CREB5: variants seen among roughly 807,000 people sequenced by gnomAD.
The protein encoded by CREB5 is cAMP responsive element binding protein 5.
Under a neutral mutation model 57.1 loss-of-function variants are expected in CREB5, and 19 were observed. That is an observed-to-expected ratio of 0.33 (90% confidence interval 0.23 to 0.49). The LOEUF is 0.49. CREB5 is among the 20% of genes least tolerant of loss of function. The pLI is 0.99. For synonymous variants in CREB5, 238 were observed against 238.3 expected, an observed-to-expected ratio of 1.00 and a Z score of 0.01; for missense variants, 579 against 671.6, an observed-to-expected ratio of 0.86 and a Z score of 1.52.
rs768313770 is a variant in CREB5 at position 28,724,379 on chromosome 7, T to C, written c.702+47T>C. 6.6e-6 allele frequency: 10 copies of C among 1,524,538 alleles called. No individual in the cohort carries two copies. The East Asian group carries it at 2.0e-4, about 31-fold the overall frequency. 94.4% of individuals were successfully genotyped at this position (1,524,538 alleles called of 1,614,324 possible). On this transcript the variant is annotated intron_variant, in intron 7 of 10. Coordinates refer to ENST00000357727, the MANE Select transcript of CREB5 (RefSeq NM_182898.4). ...CCTTTCATTATTCTGTGACTTTTTC[T>C]TTTGAATTTTACTCTGACTCCAAAA...
intron 1 of CREB5, among the ~76,000 whole-genome samples, chr7:28,327,784 CT>C (rs1396239607): frequency 2.6e-5 from 4 of 152,176 alleles, no homozygotes; most frequent in East Asian, 1.9e-4. Flanking sequence ...GTACCTCCCC[CT>C]GAGAGAGAAA....
chr7:28,409,817 C>A (rs1315611023), upstream of CREB5: 1 of 449,780 alleles, frequency 2.2e-6, no homozygotes, highest in East Asian at 7.2e-5. The surrounding 1 kb of genome is among the most constrained non-coding windows in gnomAD (Gnocchi z 4.4). Flanking sequence ...GTCCGCCCGG[C>A]GTGCGTGCGT....
chr7:28,397,864 G>C (rs1787371162), intron 1 of CREB5, among the ~76,000 whole-genome samples: 1 of 152,120 alleles, frequency 6.6e-6, no homozygotes, highest in Non-Finnish European at 1.5e-5. Flanking sequence ...TAGAGAGGGA[G>C]GTGTATTAAC....
At chr7:28,394,800 T>C (rs564569513) in intron 1 of CREB5, among the ~76,000 whole-genome samples, 31 of 152,336 alleles carry the variant, frequency 2.0e-4, no homozygotes, top group African/African-American at 7.0e-4. Context: ...AAGTTTGTCA[T>C]GAAGAGAAGC....
At chr7:28,524,146 A>T (rs2128617870) in intron 4 of CREB5, among the ~76,000 whole-genome samples, 1 of 152,292 alleles carries the variant, frequency 6.6e-6, no homozygotes, top group Admixed American at 6.5e-5. Flanking sequence ...CTGAAGTAAG[A>T]TGTCTCTTAG....
At position 28,821,129 on chromosome 7, in the gene CREB5, T is replaced by TGTGC. The variant is rs1158005755; in HGVS notation, c.*1853_*1854insCGTG. The stretch of plus-strand genomic sequence containing the variant: ...CATTTGAATGCTTGACCTCTTAATG[T>TGTGC]GTGTGTGTGTGTGTGTGTGTGTGTG... On this transcript the variant is annotated 3_prime_UTR_variant, in exon 11 of 11. Transcript: ENST00000357727. 2.1e-5 allele frequency: 3 copies of TGTGC among 145,958 alleles called. No individual in the cohort carries two copies. Among genetic ancestry groups the TGTGC allele is most frequent in the Admixed American group, 1.4e-4 (2 of 14,768 alleles). The allele number at this position is 145,958 out of a possible 1,614,324, so 9.0% of individuals were successfully genotyped here.
At chr7:28,500,866 T>C (rs1383342702) in intron 3 of CREB5, among the ~76,000 whole-genome samples, 1 of 152,128 alleles carries the variant, frequency 6.6e-6, no homozygotes, top group Non-Finnish European at 1.5e-5. Flanking sequence ...CCTCTTCTTC[T>C]TGGCAATTCC....
chr7:28,609,522 T>C (rs1797304743), intron 5 of CREB5, among the ~76,000 whole-genome samples: 1 of 152,244 alleles, frequency 6.6e-6, no homozygotes. Flanking sequence ...AACAATCCTC[T>C]TGCATGTATT....
intron 5 of CREB5, among the ~76,000 whole-genome samples, chr7:28,612,703 A>C (rs998003672): frequency 6.6e-6 from 1 of 152,102 alleles, no homozygotes; most frequent in Non-Finnish European, 1.5e-5. Context: ...TATAGCTTTT[A>C]AAAGGAAACA....
At chr7:28,359,405 T>C (rs1360174813) in intron 1 of CREB5, among the ~76,000 whole-genome samples, 1 of 152,222 alleles carries the variant, frequency 6.6e-6, no homozygotes, top group Non-Finnish European at 1.5e-5. Context: ...TGAAAGTACT[T>C]TGTAAATCCG....
intron 1 of CREB5, among the ~76,000 whole-genome samples, chr7:28,303,398 C>T (rs1157823727): frequency 2.6e-5 from 4 of 151,960 alleles, no homozygotes; most frequent in Non-Finnish European, 5.9e-5. Context: ...AAGATAAAAG[C>T]AATAAAACAT....
chr7:28,322,622 G>T (rs1785513466), intron 1 of CREB5, among the ~76,000 whole-genome samples: 1 of 151,126 alleles, frequency 6.6e-6, no homozygotes, highest in Non-Finnish European at 1.5e-5. Flanking sequence ...ACAGGCTCTG[G>T]TGTATGATGT....
At chr7:28,584,796 T>TATCA (rs1387893311) in intron 5 of CREB5, among the ~76,000 whole-genome samples, 1 of 150,392 alleles carries the variant, frequency 6.6e-6, no homozygotes, top group Non-Finnish European at 1.5e-5. Context: ...AAAAAAAAAC[T>TATCA]ATCACTCCAT....
At chr7:28,763,950 CCA>C (rs1805810722) in intron 7 of CREB5, among the ~76,000 whole-genome samples, 1 of 151,930 alleles carries the variant, frequency 6.6e-6, no homozygotes, top group African/African-American at 2.4e-5. Context: ...CAGGTGTGCA[CCA>C]CCATGCCCAG....
intron 1 of CREB5, among the ~76,000 whole-genome samples, chr7:28,391,619 C>T (rs1787217797): frequency 6.6e-6 from 1 of 152,156 alleles, no homozygotes; most frequent in Non-Finnish European, 1.5e-5. Context: ...CACTTGGCAT[C>T]CCTCAGTGTG....
chr7:28,450,085 C>CAA (rs767247678), intron 1 of CREB5, among the ~76,000 whole-genome samples: 30 of 152,196 alleles, frequency 2.0e-4, no homozygotes, highest in Non-Finnish European at 8.8e-5. Flanking sequence ...TGTTATTTTG[C>CAA]AAAATCGATG....
chr7:28,425,264 G>A (rs1034644537), intron 1 of CREB5, among the ~76,000 whole-genome samples: 2 of 151,444 alleles, frequency 1.3e-5, no homozygotes, highest in African/African-American at 4.9e-5. Context: ...TTACTTGGTT[G>A]TAAAAAAAAA....
chr7:28,767,640 C>T (rs1806078002), intron 7 of CREB5, among the ~76,000 whole-genome samples: 1 of 152,140 alleles, frequency 6.6e-6, no homozygotes, highest in Admixed American at 6.5e-5. Flanking sequence ...AGAAGCGACA[C>T]ACTGCAAATC....
chr7:28,637,109 G>A (rs769648584), intron 5 of CREB5, among the ~76,000 whole-genome samples: 1 of 152,012 alleles, frequency 6.6e-6, no homozygotes, highest in Admixed American at 6.6e-5. Flanking sequence ...AGCCATGATC[G>A]TGCCACTGTA....
Sources: allele counts gnomAD v4.1 joint callset (sites outside exome capture counted in the v4.1 genomes callset), GRCh38; gene constraint gnomAD v4.1.1; non-coding constraint Gnocchi (gnomAD v3.1); transcripts MANE v1.5; gene names NCBI Gene and HGNC (gene_info 2026-07-23, HGNC 2026-07-21).